ADCY8: variants seen among roughly 807,000 people sequenced by gnomAD.
The protein encoded by ADCY8 is adenylate cyclase 8.
In ADCY8, 51 loss-of-function variants were observed where a neutral mutation model predicts 119.7. The ratio of observed to expected loss-of-function variants is 0.43; its 90% CI spans 0.34 to 0.54. ADCY8 has a LOEUF of 0.54. Ranked by LOEUF, ADCY8 falls within the 20% of genes least tolerant of loss-of-function variation. The pLI, the probability that ADCY8 is intolerant of heterozygous loss-of-function variation, is 0.03. For missense variants in ADCY8, 1,383 were observed against 1,598.8 expected (o/e 0.87, Z 2.30); for synonymous variants, 665 against 651.0 (o/e 1.02, Z -0.33).
chr8:130,981,808 T>A (rs1044353017), intron 2 of ADCY8, among the ~76,000 whole-genome samples: 6 of 152,226 alleles, frequency 3.9e-5, no homozygotes, highest in African/African-American at 1.4e-4. Context: ...AAACTTAGGA[T>A]ATGGCCTGGG....
intron 12 of ADCY8, among the ~76,000 whole-genome samples, chr8:130,827,544 C>A (rs1187749517): frequency 6.6e-6 from 1 of 152,190 alleles, no homozygotes; most frequent in Non-Finnish European, 1.5e-5. Context: ...CTGCTGCTGG[C>A]CAGTCTTTTC....
At chr8:130,837,635 C>T (rs1279750332) in intron 11 of ADCY8, among the ~76,000 whole-genome samples, 1 of 152,214 alleles carries the variant, frequency 6.6e-6, no homozygotes, top group Admixed American at 6.5e-5. Context: ...GGAAGCTCCC[C>T]AGCCTATTCC....
intron 1 of ADCY8, among the ~76,000 whole-genome samples, chr8:131,011,759 C>A (rs1256857251): frequency 2.0e-5 from 3 of 152,054 alleles, no homozygotes; most frequent in Non-Finnish European, 2.9e-5. Flanking sequence ...CAAGAATTGG[C>A]ATAAAACCGT....
At chr8:130,783,430 C>T (rs1295455145) in intron 17 of ADCY8, among the ~76,000 whole-genome samples, 1 of 152,194 alleles carries the variant, frequency 6.6e-6, no homozygotes, top group Non-Finnish European at 1.5e-5. Flanking sequence ...GAGGGGTTCA[C>T]AATAGTCTAG....
In ADCY8 at chr8:130,783,815, A is replaced by G. The variant is rs754166877; in HGVS notation, c.3154-10T>C. 1 of 1,597,952 alleles carries G rather than the reference A, an allele frequency of 6.3e-7. No homozygotes were observed. The highest frequency in any genetic ancestry group is 2.2e-5 in the East Asian group (1 of 44,782). ...ACTTGTCTTCACATTGCTGAAGCAA[A>G]CATGAGGAGAAGAAATCATTTAATG... On this transcript the variant is annotated splice_polypyrimidine_tract_variant and intron_variant, in intron 16 of 17. Transcript: ENST00000286355.
At chr8:130,805,759 C>A (rs1414050802) in intron 14 of ADCY8, among the ~76,000 whole-genome samples, 1 of 152,188 alleles carries the variant, frequency 6.6e-6, no homozygotes, top group Admixed American at 6.5e-5. Context: ...GCTAATTTGT[C>A]TATTCAGTGG....
chr8:130,958,341 T>C (rs1019684720), intron 2 of ADCY8, among the ~76,000 whole-genome samples: 2 of 152,162 alleles, frequency 1.3e-5, no homozygotes, highest in African/African-American at 2.4e-5. Context: ...TGCATCCCAC[T>C]TTCTTGAGGT....
At chr8:130,942,900 T>C (rs530582644) in intron 4 of ADCY8, among the ~76,000 whole-genome samples, 4 of 152,248 alleles carry the variant, frequency 2.6e-5, no homozygotes, top group African/African-American at 9.6e-5. Context: ...GCTCTTAAGT[T>C]AGGTTGATCA....
intron 8 of ADCY8, among the ~76,000 whole-genome samples, chr8:130,878,685 G>A (rs1353951178): frequency 6.6e-6 from 1 of 152,182 alleles, no homozygotes; most frequent in Non-Finnish European, 1.5e-5. Flanking sequence ...TTTCAAACAA[G>A]ATCCCCAGAT....
chr8:130,865,506 G>A (rs2130381726), intron 9 of ADCY8, among the ~76,000 whole-genome samples: 1 of 152,092 alleles, frequency 6.6e-6, no homozygotes, highest in African/African-American at 2.4e-5. Context: ...TCTTTCTGGA[G>A]CACTTTCAAT....
At chr8:131,011,780 G>T (rs1180249029) in intron 1 of ADCY8, among the ~76,000 whole-genome samples, 2 of 152,086 alleles carry the variant, frequency 1.3e-5, no homozygotes, top group African/African-American at 2.4e-5. Flanking sequence ...GGGATCCTCT[G>T]GTTCCAACAC....
intron 11 of ADCY8, among the ~76,000 whole-genome samples, chr8:130,845,353 G>T (rs189506746): frequency 2.6e-5 from 4 of 152,280 alleles, no homozygotes; most frequent in Admixed American, 1.3e-4. Flanking sequence ...ACCCATCTAG[G>T]CAGGCACCAT....
At chr8:130,947,534 T>G (rs986779013) in intron 3 of ADCY8, among the ~76,000 whole-genome samples, 1 of 152,184 alleles carries the variant, frequency 6.6e-6, no homozygotes, top group Non-Finnish European at 1.5e-5. Context: ...CTAGCTCCAT[T>G]CAATTGCATT....
chr8:131,027,219 A>C (rs969341543), intron 1 of ADCY8, among the ~76,000 whole-genome samples: 1 of 152,202 alleles, frequency 6.6e-6, no homozygotes, highest in Non-Finnish European at 1.5e-5. Context: ...ACAATTCTCC[A>C]TTTAAACACA....
chr8:131,018,186 A>G (rs561051676), intron 1 of ADCY8, among the ~76,000 whole-genome samples: 3 of 152,296 alleles, frequency 2.0e-5, no homozygotes, highest in Admixed American at 6.5e-5. Flanking sequence ...TTCTTTAGCA[A>G]TTATTATTTT....
At chr8:130,821,563 G>C (rs1428528266) in intron 12 of ADCY8, 143 bp from the exon 13 acceptor site, 2 of 621,424 alleles carry the variant, frequency 3.2e-6, no homozygotes, top group East Asian at 5.8e-5. Context: ...GCTGCTCTAA[G>C]GGTTTGCACA....
At chr8:130,805,814 G>C (rs922269679) in intron 14 of ADCY8, among the ~76,000 whole-genome samples, 2 of 152,300 alleles carry the variant, frequency 1.3e-5, no homozygotes. Flanking sequence ...CTTCTTGTGG[G>C]GCAGAAAGGG....
chr8:130,996,733 A>G (rs1406116990), intron 1 of ADCY8, among the ~76,000 whole-genome samples: 1 of 152,176 alleles, frequency 6.6e-6, no homozygotes, highest in Non-Finnish European at 1.5e-5. Context: ...AAAGGGGGAA[A>G]AATAAAGGGG....
chr8:130,942,465 GGGA>G (rs1820984426), intron 4 of ADCY8, among the ~76,000 whole-genome samples: 1 of 152,212 alleles, frequency 6.6e-6, no homozygotes, highest in African/African-American at 2.4e-5. Flanking sequence ...ATTCCAGGAA[GGGA>G]GGAGGTGTGT....
Sources: gnomAD v4.1 joint callset for allele counts (sites outside exome capture counted in the v4.1 genomes callset) on GRCh38, gnomAD v4.1.1 for gene constraint, MANE v1.5 for transcripts, NCBI Gene and HGNC (gene_info 2026-07-23, HGNC 2026-07-21) for gene names.